Variants in SPANXN5 observed in about 807,000 individuals in gnomAD.
SPANXN5 encodes SPANX family member N5.
Under a neutral mutation model 4.5 loss-of-function variants are expected in SPANXN5, and 5 were observed. The observed-to-expected ratio is 1.11, with a 90% CI of 0.58 to 2.33. The LOEUF (loss-of-function observed/expected upper bound fraction) is 2.33. Ranked by LOEUF, SPANXN5 falls within the 30% of genes most tolerant of loss-of-function variation. The pLI is 0.01. For synonymous variants in SPANXN5, 20 were observed against 20.4 expected (o/e 0.98, Z 0.05); for missense variants, 41 against 50.3 (o/e 0.82, Z 0.56).
chrX:52,796,244 C>G lies in SPANXN5; in HGVS notation c.*244G>C. ...TTTAATTAGTCTTCCTCACCCTCCT[C>G]TGACGATCCTTCAGATGAGTCTGGG... On this transcript the variant is annotated 3_prime_UTR_variant, in exon 2 of 2. Transcript: ENST00000375511. 1 of 425,232 alleles carries G rather than the reference C, an allele frequency of 2.4e-6. No homozygotes were observed. The allele number at this position is 425,232 out of a possible 1,213,427, so 35.0% of individuals were successfully genotyped here.
In SPANXN5 at chrX:52,796,592, T is replaced by G. The variant is rs372675798; in HGVS notation, c.115A>C (p.Ser39Arg). The part of the protein sequence containing the change: ...TPNRDLVLEP[S>R]LKKMKTSEYS... The stretch of plus-strand genomic sequence containing the variant: ...TCTGATGTTTTCATCTTTTTCAAAC[T>G]CGGTTCGAGGACTAAGTCCCTGTTT... Residue 39 changes from serine to arginine, a missense_variant, in exon 2 of 2, where the codon AGT (serine) becomes CGT (arginine). Transcript: ENST00000375511. 1 of 1,211,866 alleles carries G rather than the reference T, an allele frequency of 8.3e-7. No homozygotes were observed. The highest frequency in any genetic ancestry group is 1.1e-6 in the Non-Finnish European group (1 of 895,510).
rs1188383085 is a variant in SPANXN5, at chrX:52,796,713, G to T, written c.76-82C>A. On this transcript the variant is annotated intron_variant, in intron 1 of 1. Coordinates refer to ENST00000375511, the MANE Select transcript of SPANXN5 (RefSeq NM_001009616.4). ...GACTGGATAGCAAGGGGGGCTTTAT[G>T]AGAAGGAATGCAGGTTGAGGAAGGG... 6.1e-6 allele frequency: 7 copies of T among 1,148,382 alleles called. No homozygotes were observed. The African/African-American group carries it at 1.3e-4, about 21-fold the overall frequency. The allele number at this position is 1,148,382 out of a possible 1,213,427, so 94.6% of individuals were successfully genotyped here.
chrX:52,796,808 A>C (rs188624061), intron 1 of SPANXN5, among the ~76,000 whole-genome samples, 177 bp from the exon 2 acceptor site: 124 of 111,266 alleles, frequency 1.1e-3, no homozygotes, highest in African/African-American at 3.9e-3. Flanking sequence ...GAGCATGGGT[A>C]GGGTCATCTG....
Position 52,797,316 on chromosome X carries a change from C to T in SPANXN5, c.33G>A (p.Glu11=), listed in dbSNP as rs1926589251. 1 of 1,211,747 alleles carries T rather than the reference C, an allele frequency of 8.3e-7. No homozygotes were observed. The highest frequency in any genetic ancestry group is 3.0e-5 in the East Asian group (1 of 33,824). MEKPTSSTNG[E]KRKSPCDSNS... The stretch of plus-strand genomic sequence containing the variant: ...TGGAGTCACAGGGGCTCTTCCTCTT[C>T]TCCCCATTGGTGCTTGAAGTGGGCT... Residue 11 remains glutamate (E), a synonymous_variant, in exon 1 of 2, where the codon GAG becomes GAA. Transcript: ENST00000375511.
chrX:52,796,200 C>T lies in SPANXN5; in HGVS notation c.*288G>A. 9.5e-6 allele frequency: 3 copies of T among 315,132 alleles called. No homozygotes were observed. In the South Asian group the frequency reaches 2.0e-4, roughly 21 times the overall value. 26.0% of individuals were successfully genotyped at this position (315,132 alleles called of 1,213,427 possible). On this transcript the variant is annotated 3_prime_UTR_variant, in exon 2 of 2. Transcript: ENST00000375511. ...ATCACCGTTGGTGGTGAGGATTTGT[C>T]CAATTTGGTTTCTCCATGTTTAATT...
Position 52,797,398 on chromosome X carries a change from AC to A in SPANXN5, c.-51del. 1.7e-6 allele frequency: 2 copies of A among 1,157,003 alleles called. No homozygotes were observed. ...TACAGCAGGATCTTGTAGAGTCCAG[AC>A]TTCCACAGCTATATTGAAGCTTCCC... On this transcript the variant is annotated 5_prime_UTR_variant, in exon 1 of 2. Transcript: ENST00000375511.
intron 1 of SPANXN5, 95 bp from the exon 2 acceptor site, chrX:52,796,726 G>A: frequency 9.0e-7 from 1 of 1,106,167 alleles, no homozygotes; most frequent in Non-Finnish European, 1.2e-6. Flanking sequence ...AAGGAATGCA[G>A]GTTGAGGAAG....
In SPANXN5 at chrX:52,796,599, G is replaced by A. The variant is rs781966903; in HGVS notation, c.108C>T (p.Leu36=). 1.1e-5 allele frequency: 13 copies of A among 1,209,850 alleles called. No individual in the cohort carries two copies. Among genetic ancestry groups the A allele is most frequent in the South Asian group, 8.8e-5 (5 of 56,779 alleles). The change falls in exon 2 of 2, where the codon CTC becomes CTT. Residue 36 remains leucine (L), a synonymous_variant. Coordinates refer to ENST00000375511, the MANE Select transcript of SPANXN5 (RefSeq NM_001009616.4). ...MQETPNRDLV[L]EPSLKKMKTS... ...TTTTCATCTTTTTCAAACTCGGTTCGAGGACTAAGTCCCTGTTTGGTGTCT... is the reference window on the plus strand; with the variant it reads ...TTTTCATCTTTTTCAAACTCGGTTCAAGGACTAAGTCCCTGTTTGGTGTCT...
chrX:52,797,386 T>C lies in SPANXN5; in HGVS notation c.-38A>G. 1 of 1,185,511 alleles carries C rather than the reference T, an allele frequency of 8.4e-7. No individual in the cohort carries two copies. The highest frequency in any genetic ancestry group is 1.1e-6 in the Non-Finnish European group (1 of 872,437). On this transcript the variant is annotated 5_prime_UTR_variant, in exon 1 of 2. Coordinates refer to ENST00000375511, the MANE Select transcript of SPANXN5 (RefSeq NM_001009616.4). ...TTGTTGAATGTCTACAGCAGGATCT[T>C]GTAGAGTCCAGACTTCCACAGCTAT... is the stretch of plus-strand genomic sequence containing the variant.
chrX:52,796,672 G>T (rs782518328), intron 1 of SPANXN5, 41 bp from the exon 2 acceptor site: 1 of 1,205,460 alleles, frequency 8.3e-7, no homozygotes, highest in Admixed American at 2.2e-5. Flanking sequence ...ACATTATTTT[G>T]GGTGAATAGG....
Position 52,796,354 on chromosome X carries a change from T to C in SPANXN5, c.*134A>G. The stretch of plus-strand genomic sequence containing the variant: ...TCCTTCAGATAACCCTAGGTCTTCA[T>C]CCTCCTGTGAAGATCCTTCAGGTAA... On this transcript the variant is annotated 3_prime_UTR_variant, in exon 2 of 2. Coordinates refer to ENST00000375511, the MANE Select transcript of SPANXN5 (RefSeq NM_001009616.4). 1.1e-6 allele frequency: 1 copy of C among 932,187 alleles called. No individual in the cohort carries two copies. The highest frequency in any genetic ancestry group is 2.0e-5 in the African/African-American group (1 of 51,281). 76.8% of individuals were successfully genotyped at this position (932,187 alleles called of 1,213,427 possible).
In SPANXN5 at chrX:52,797,418, G is replaced by A; in HGVS notation, c.-70C>T. 1 of 1,092,591 alleles carries A rather than the reference G, an allele frequency of 9.2e-7. No individual in the cohort carries two copies. Among genetic ancestry groups the A allele is most frequent in the South Asian group, 1.9e-5 (1 of 52,350 alleles). 90.0% of individuals were successfully genotyped at this position (1,092,591 alleles called of 1,213,427 possible). On this transcript the variant is annotated 5_prime_UTR_variant, in exon 1 of 2. Coordinates refer to ENST00000375511, the MANE Select transcript of SPANXN5 (RefSeq NM_001009616.4). ...TCCAGACTTCCACAGCTATATTGAAGCTTCCCAGTGGCCCAGAGCTCTTGC... is the reference window on the plus strand; with the variant it reads ...TCCAGACTTCCACAGCTATATTGAAACTTCCCAGTGGCCCAGAGCTCTTGC...
chrX:52,796,179 C>T lies in SPANXN5; in HGVS notation c.*309G>A. 1 of 289,405 alleles carries T rather than the reference C, an allele frequency of 3.5e-6. No individual in the cohort carries two copies. The highest frequency in any genetic ancestry group is 6.8e-5 in the South Asian group (1 of 14,747). 23.9% of individuals were successfully genotyped at this position (289,405 alleles called of 1,213,427 possible). A position where few individuals can be genotyped will look rare whatever the true frequency, so the allele number is the denominator to read the frequency against. ...AAACTTGATTTTATTGTAATCATCA[C>T]CGTTGGTGGTGAGGATTTGTCCAAT... On this transcript the variant is annotated 3_prime_UTR_variant, in exon 2 of 2. Coordinates refer to ENST00000375511, the MANE Select transcript of SPANXN5 (RefSeq NM_001009616.4).
chrX:52,796,411 G>T lies in SPANXN5; in HGVS notation c.*77C>A. The T allele has an allele frequency of 8.7e-7, 1 of 1,150,074 alleles. No homozygotes were observed. Among genetic ancestry groups the T allele is most frequent in the Non-Finnish European group, 1.2e-6 (1 of 853,704 alleles). The allele number at this position is 1,150,074 out of a possible 1,213,427, so 94.8% of individuals were successfully genotyped here. ...GTCTTCATCCTGCTTTGAAGATTCT[G>T]CAGATGAGTCTAGGTCTTCGTCCTC... On this transcript the variant is annotated 3_prime_UTR_variant, in exon 2 of 2. Transcript: ENST00000375511.
chrX:52,796,865 C>T (rs1483403268), intron 1 of SPANXN5, among the ~76,000 whole-genome samples: 7 of 111,356 alleles, frequency 6.3e-5, no homozygotes, highest in African/African-American at 2.3e-4. Context: ...ATTTTGCAGA[C>T]CTTGGTCAAA....
intron 1 of SPANXN5, 121 bp downstream of exon 1, chrX:52,797,153 A>G: frequency 2.5e-6 from 2 of 810,125 alleles, no homozygotes; most frequent in South Asian, 2.2e-5. Flanking sequence ...GGGATCTGGC[A>G]TTAAGCTGGT....
intron 1 of SPANXN5, among the ~76,000 whole-genome samples, 185 bp downstream of exon 1, chrX:52,797,089 T>A (rs12837706): frequency 9.0e-6 from 1 of 111,343 alleles, no homozygotes; most frequent in Non-Finnish European, 1.9e-5. Context: ...CAAGCCATGC[T>A]GCCCAGATCC....
chrX:52,796,888 A>G (rs782616432), intron 1 of SPANXN5, among the ~76,000 whole-genome samples: 2 of 111,498 alleles, frequency 1.8e-5, no homozygotes, highest in South Asian at 7.6e-4. Context: ...GAAACATCCC[A>G]TGGGGGTTCA....
intron 1 of SPANXN5, 129 bp downstream of exon 1, chrX:52,797,145 G>T: frequency 2.7e-6 from 2 of 742,359 alleles, no homozygotes; most frequent in Admixed American, 5.0e-5. Context: ...GCGGTGGTGG[G>T]ATCTGGCATT....
Sources: allele counts gnomAD v4.1 joint callset (sites outside exome capture counted in the v4.1 genomes callset), GRCh38; gene constraint gnomAD v4.1.1; transcripts MANE v1.5; gene names NCBI Gene and HGNC (gene_info 2026-07-23, HGNC 2026-07-21).